Variants in CCDC60 observed in about 807,000 individuals in gnomAD.
CCDC60 encodes the protein coiled-coil domain containing 60.
A neutral mutation model predicts 63.5 loss-of-function variants in CCDC60; 54 were observed. That is an observed-to-expected ratio of 0.85 (90% CI 0.68 to 1.07). The LOEUF (loss-of-function observed/expected upper bound fraction) is 1.07. CCDC60 is among the 50% of genes least tolerant of loss of function. The pLI, the probability that CCDC60 is intolerant of heterozygous loss-of-function variation, is 0.00. For missense variants in CCDC60, 651 were observed against 684.3 expected (o/e 0.95, Z 0.54); for synonymous variants, 206 against 238.8 (o/e 0.86, Z 1.27).
chr12:119,415,340 C>T (rs926217758), intron 1 of CCDC60, among the ~76,000 whole-genome samples: 7 of 152,202 alleles, frequency 4.6e-5, no homozygotes, highest in Non-Finnish European at 8.8e-5. Flanking sequence ...GGTGCAAAGA[C>T]CCTGTGATCA....
chr12:119,477,950 A>C (rs1566030814), intron 3 of CCDC60, among the ~76,000 whole-genome samples: 1 of 151,810 alleles, frequency 6.6e-6, no homozygotes, highest in Non-Finnish European at 1.5e-5. Flanking sequence ...GAGAGAGAGA[A>C]AGAGAGAGAA....
chr12:119,524,445 A>T (rs1952624005), intron 11 of CCDC60: 4 of 985,034 alleles, frequency 4.1e-6, no homozygotes, highest in African/African-American at 1.7e-5. Flanking sequence ...TCTATACAAC[A>T]AAGTTTGCAT....
chr12:119,343,630 G>A (rs1955554928), intron 1 of CCDC60, among the ~76,000 whole-genome samples: 1 of 149,244 alleles, frequency 6.7e-6, no homozygotes, highest in Admixed American at 6.8e-5. Context: ...AATCAAGATA[G>A]TGAATAACAA....
chr12:119,505,984 T>C (rs1437196693), intron 7 of CCDC60, among the ~76,000 whole-genome samples: 2 of 148,604 alleles, frequency 1.3e-5, no homozygotes, highest in Non-Finnish European at 3.0e-5. Context: ...ATTCGGTGTC[T>C]ACTTTTTTAA....
chr12:119,335,267 G>A lies in CCDC60; in HGVS notation c.90+1G>A, dbSNP rs574771394. 77 of 1,594,550 alleles carry A rather than the reference G, an allele frequency of 4.8e-5. 1 individual carries two copies. In the South Asian group the frequency reaches 8.3e-4, roughly 17 times the overall value. ...TTATGCCTCGGAGAACCTAAGGCAGGTAAGTCTCCCCTCTGCTGAAACCAA... is the reference window on the plus strand; with the variant it reads ...TTATGCCTCGGAGAACCTAAGGCAGATAAGTCTCCCCTCTGCTGAAACCAA... On this transcript the variant is annotated splice_donor_variant, in intron 1 of 13. Coordinates refer to ENST00000327554, the MANE Select transcript of CCDC60 (RefSeq NM_178499.5). LOFTEE classifies it high-confidence loss of function.
At chr12:119,526,203 T>C (rs1952671640) in intron 11 of CCDC60, among the ~76,000 whole-genome samples, 1 of 152,188 alleles carries the variant, frequency 6.6e-6, no homozygotes. Context: ...GATAACTGGC[T>C]AGCCATATGC....
At chr12:119,483,100 T>G (rs1185658726) in intron 4 of CCDC60, among the ~76,000 whole-genome samples, 1 of 152,162 alleles carries the variant, frequency 6.6e-6, no homozygotes, top group Non-Finnish European at 1.5e-5. Flanking sequence ...CTCACCACAT[T>G]CCACTGGCCA....
At chr12:119,445,433 C>CAAAAAAAAAAAAAAAAA (rs58415660) in intron 2 of CCDC60, among the ~76,000 whole-genome samples, 36 of 27,196 alleles carry the variant, frequency 1.3e-3, no homozygotes, top group Non-Finnish European at 1.6e-3. Flanking sequence ...GACTCCATCT[C>CAAAAAAAAAAAAAAAAA]AAAAAAAAAA....
intron 13 of CCDC60, among the ~76,000 whole-genome samples, chr12:119,533,145 G>T (rs1952904783): frequency 6.6e-6 from 1 of 152,182 alleles, no homozygotes; most frequent in South Asian, 2.1e-4. Flanking sequence ...TTGTGGTTTT[G>T]ATTTGCAATT....
In CCDC60 at chr12:119,449,182, A is replaced by C. The variant is rs79771537; in HGVS notation, c.170+20420A>C. 3.9e-3 allele frequency among the ~76,000 whole-genome samples: 591 copies of C among 152,330 alleles called. 23 individuals are homozygous for C. In the East Asian group the frequency reaches 0.089, roughly 23 times the overall value. On this transcript the variant is annotated intron_variant, in intron 2 of 13. Coordinates refer to ENST00000327554, the MANE Select transcript of CCDC60 (RefSeq NM_178499.5). ...AGTCCATGAGATTCTACCGTCAATCAAAGCACAACATGTGCACACTTGTGT... is the reference window on the plus strand; with the variant it reads ...AGTCCATGAGATTCTACCGTCAATCCAAGCACAACATGTGCACACTTGTGT...
At chr12:119,434,701 G>A (rs990420088) in intron 2 of CCDC60, among the ~76,000 whole-genome samples, 1 of 152,142 alleles carries the variant, frequency 6.6e-6, no homozygotes, top group Non-Finnish European at 1.5e-5. Context: ...GTGTATTTCA[G>A]AGAACAATAA....
At chr12:119,527,594 A>G (rs1952712518) in intron 11 of CCDC60, among the ~76,000 whole-genome samples, 2 of 151,496 alleles carry the variant, frequency 1.3e-5, no homozygotes, top group South Asian at 4.2e-4. Flanking sequence ...AGATTATAAA[A>G]GGCTGTGATA....
At chr12:119,439,418 T>C (rs1950395263) in intron 2 of CCDC60, among the ~76,000 whole-genome samples, 1 of 152,126 alleles carries the variant, frequency 6.6e-6, no homozygotes, top group Non-Finnish European at 1.5e-5. Context: ...AATTTACCAG[T>C]GGGAGAGTCC....
At chr12:119,407,456 C>T (rs1296069164) in intron 1 of CCDC60, among the ~76,000 whole-genome samples, 2 of 152,094 alleles carry the variant, frequency 1.3e-5, no homozygotes, top group East Asian at 3.8e-4. Flanking sequence ...CACTTGAGCC[C>T]GAGAGTTCGA....
At chr12:119,506,205 T>C (rs939412658) in intron 7 of CCDC60, among the ~76,000 whole-genome samples, 5 of 152,106 alleles carry the variant, frequency 3.3e-5, no homozygotes, top group African/African-American at 1.2e-4. Flanking sequence ...TACTGATTTG[T>C]CTTTTCTGAA....
intron 1 of CCDC60, among the ~76,000 whole-genome samples, chr12:119,391,062 T>C (rs1381992652): frequency 1.3e-5 from 2 of 152,182 alleles, no homozygotes; most frequent in Non-Finnish European, 2.9e-5. Context: ...CACCCAGTTC[T>C]GCATGACTTT....
At chr12:119,468,243 G>C (rs1273326122) in intron 2 of CCDC60, among the ~76,000 whole-genome samples, 1 of 152,012 alleles carries the variant, frequency 6.6e-6, no homozygotes, top group Admixed American at 6.6e-5. Context: ...AGTGAGCCGA[G>C]ATCGCACCAC....
intron 1 of CCDC60, among the ~76,000 whole-genome samples, chr12:119,383,968 G>A (rs113809900): frequency 1.1e-4 from 17 of 152,126 alleles, no homozygotes; most frequent in African/African-American, 4.1e-4. Context: ...AGGCCGAGGC[G>A]GGCGGATCAC....
At chr12:119,370,972 C>T (rs1955891462) in intron 1 of CCDC60, among the ~76,000 whole-genome samples, 1 of 152,154 alleles carries the variant, frequency 6.6e-6, no homozygotes, top group African/African-American at 2.4e-5. Context: ...GTTGAGGCTG[C>T]AGTGAGCCAT....
Sources: allele counts gnomAD v4.1 joint callset (sites outside exome capture counted in the v4.1 genomes callset), GRCh38; gene constraint gnomAD v4.1.1; transcripts MANE v1.5; gene names NCBI Gene and HGNC (gene_info 2026-07-23, HGNC 2026-07-21).